Variants in TOR1A observed in about 807,000 individuals in gnomAD.
The protein encoded by TOR1A is torsin family 1 member A.
A neutral mutation model predicts 31.4 loss-of-function variants in TOR1A; 18 were observed. The observed-to-expected ratio is 0.57, with a 90% CI of 0.40 to 0.85. TOR1A has a LOEUF of 0.85. Among genes scored for constraint, TOR1A ranks in the 40% least tolerant of loss-of-function variants. TOR1A has a pLI of 0.00. For synonymous variants in TOR1A, 168 were observed against 165.9 expected (o/e 1.01, Z -0.10); for missense variants, 375 against 416.4 (o/e 0.90, Z 0.87).
intron 2 of TOR1A, chr9:129,821,514 A>G (rs764194907): frequency 6.6e-6 from 1 of 152,230 alleles, no homozygotes; most frequent in Non-Finnish European, 1.5e-5. Flanking sequence ...CTTTCCTAAG[A>G]CTACGGAGCT....
chr9:129,814,097 T>C lies in TOR1A; in HGVS notation c.874A>G (p.Ile292Val). ...RVEMQSRGYE[I>V]DEDIVSRVAE... ...ACTCTGCTTACAATGTCTTCATCAATTTCATAGCCTCGGGACTGCATTTCC... is the reference window on the plus strand; with the variant it reads ...ACTCTGCTTACAATGTCTTCATCAACTTCATAGCCTCGGGACTGCATTTCC... Residue 292 changes from isoleucine (I) to valine (V), a missense_variant, in exon 5 of 5, where the codon ATT (isoleucine) becomes GTT (valine). Physicochemically the swap from Ile to Val is conservative, Grantham distance 29 (BLOSUM62 3). Transcript: ENST00000351698. The C allele has an allele frequency of 6.2e-7, 1 of 1,614,218 alleles. No homozygotes were observed. The highest frequency in any genetic ancestry group is 8.5e-7 in the Non-Finnish European group (1 of 1,180,032).
rs2031094097 is a variant in TOR1A at position 129,818,409 on chromosome 9, A to G, written c.748+111T>C. 3 of 1,549,104 alleles carry G rather than the reference A, an allele frequency of 1.9e-6. No individual in the cohort carries two copies. The South Asian group carries it at 3.4e-5, about 17-fold the overall frequency. The stretch of plus-strand genomic sequence containing the variant: ...ACTCGGAAGGGGACTGAGAATCTGC[A>G]TTTCTTTCTACCCAGCTCCCAGGTG... On this transcript the variant is annotated intron_variant, in intron 4 of 4. Transcript: ENST00000351698.
chr9:129,823,182 T>C (rs1250359725), intron 1 of TOR1A: 9 of 407,984 alleles, frequency 2.2e-5, no homozygotes, highest in Non-Finnish European at 4.2e-5. Flanking sequence ...TGGTCCCTCC[T>C]GGTCGGCTGC....
At position 129,814,005 on chromosome 9, in the gene TOR1A, C is replaced by T. The variant is rs1423137568; in HGVS notation, c.966G>A (p.Val322=). 2 of 1,614,188 alleles carry T rather than the reference C, an allele frequency of 1.2e-6. No homozygotes were observed. The highest frequency in any genetic ancestry group is 3.3e-5 in the Admixed American group (2 of 60,028). The change falls in exon 5 of 5, where the codon GTG becomes GTA. Residue 322 remains valine, a synonymous_variant. Coordinates refer to ENST00000351698, the MANE Select transcript of TOR1A (RefSeq NM_000113.3). ...RVFSDKGCKT[V]FTKLDYYYDD ...CGTAGTAATAATCTAACTTGGTGAA[C>T]ACCGTTTTGCAGCCTTTATCTGAGA...
chr9:129,822,541 C>A, intron 2 of TOR1A, 40 bp downstream of exon 2: 1 of 1,613,228 alleles, frequency 6.2e-7, no homozygotes, highest in Non-Finnish European at 8.5e-7. Context: ...ACCCCAAACC[C>A]GATGACATCC....
chr9:129,815,394 G>C (rs551007284), intron 4 of TOR1A, among the ~76,000 whole-genome samples: 154 of 152,348 alleles, frequency 1.0e-3, no homozygotes, highest in Middle Eastern at 6.8e-3. Context: ...GCACGCCCTG[G>C]GCCTGGGGAC....
intron 2 of TOR1A, among the ~76,000 whole-genome samples, chr9:129,820,657 G>C (rs1462322687): frequency 6.6e-6 from 1 of 151,772 alleles, no homozygotes; most frequent in Non-Finnish European, 1.5e-5. Context: ...GGACTGCAGT[G>C]GCTGTCTGCT....
At position 129,824,090 on chromosome 9, in the gene TOR1A, G is replaced by A. The variant is rs959436326; in HGVS notation, c.-5C>T. 1.3e-6 allele frequency: 2 copies of A among 1,568,930 alleles called. No homozygotes were observed. The highest frequency in any genetic ancestry group is 1.7e-6 in the Non-Finnish European group (2 of 1,161,938). ...CACGGCCCGGCCCAGCTTCATGCCC[G>A]GACCCGCGCCACCCTGCTTGTTCTC... On this transcript the variant is annotated 5_prime_UTR_variant, in exon 1 of 5. Transcript: ENST00000351698.
chr9:129,819,143 C>T (rs769753875), intron 2 of TOR1A, among the ~76,000 whole-genome samples: 8 of 152,154 alleles, frequency 5.3e-5, no homozygotes, highest in Non-Finnish European at 1.2e-4. Context: ...GCGCTTACTC[C>T]ACTTGCCCAA....
rs1300140766 is a variant in TOR1A, at chr9:129,824,132, G to A, written c.-47C>T. On this transcript the variant is annotated 5_prime_UTR_variant, in exon 1 of 5. Coordinates refer to ENST00000351698, the MANE Select transcript of TOR1A (RefSeq NM_000113.3). ...CTTGTTCTCGCGCCGACCGCGAACC[G>A]GTGCAGCCGCCAGACCCACGCTTCC... is the stretch of plus-strand genomic sequence containing the variant. 3.3e-6 allele frequency: 5 copies of A among 1,535,978 alleles called. No individual in the cohort carries two copies. In the South Asian group the frequency reaches 3.6e-5, roughly 11 times the overall value.
chr9:129,823,241 G>A (rs371766029), intron 1 of TOR1A: 1 of 345,522 alleles, frequency 2.9e-6, no homozygotes. Context: ...TAGAAAGGAG[G>A]CAGAACCCAC....
intron 4 of TOR1A, 186 bp downstream of exon 4, chr9:129,818,334 T>C: frequency 3.7e-6 from 3 of 820,124 alleles, no homozygotes; most frequent in Non-Finnish European, 4.1e-6. Context: ...TGTCAAACAT[T>C]AGTGTTCATA....
chr9:129,815,680 C>T (rs530747457), intron 4 of TOR1A, among the ~76,000 whole-genome samples: 8 of 152,208 alleles, frequency 5.3e-5, no homozygotes, highest in Non-Finnish European at 1.0e-4. Flanking sequence ...GATGGCCTCC[C>T]TGGAGCTTCG....
Position 129,822,779 on chromosome 9 carries a change from G to C in TOR1A, c.246C>G (p.Ala82=). 6.2e-7 allele frequency: 1 copy of C among 1,613,932 alleles called. No homozygotes were observed. The highest frequency in any genetic ancestry group is 2.2e-5 in the East Asian group (1 of 44,872). ...QHLAKKIILN[A]VFGFINNPKP... is the part of the protein sequence containing the mutation. ...TTGGGTTGTTTATGAAACCAAACAC[G>C]GCATTTAAGATGATTTTCTTTGCAA... Residue 82 remains alanine, a synonymous_variant, in exon 2 of 5, where the codon GCC becomes GCG. Coordinates refer to ENST00000351698, the MANE Select transcript of TOR1A (RefSeq NM_000113.3).
chr9:129,824,108 T>C lies in TOR1A; in HGVS notation c.-23A>G. 6.4e-7 allele frequency: 1 copy of C among 1,550,704 alleles called. No homozygotes were observed. Among genetic ancestry groups the C allele is most frequent in the Non-Finnish European group, 8.7e-7 (1 of 1,153,316 alleles). On this transcript the variant is annotated 5_prime_UTR_variant, in exon 1 of 5. Transcript: ENST00000351698. ...CATGCCCGGACCCGCGCCACCCTGCTTGTTCTCGCGCCGACCGCGAACCGG... is the reference window on the plus strand; with the variant it reads ...CATGCCCGGACCCGCGCCACCCTGCCTGTTCTCGCGCCGACCGCGAACCGG...
chr9:129,815,859 C>T (rs1588215539), intron 4 of TOR1A, among the ~76,000 whole-genome samples: 1 of 152,176 alleles, frequency 6.6e-6, no homozygotes, highest in East Asian at 1.9e-4. Context: ...GTTCTACCTT[C>T]AAAACACACC....
intron 4 of TOR1A, 49 bp downstream of exon 4, chr9:129,818,471 G>T (rs374400189): frequency 1.2e-6 from 2 of 1,611,714 alleles, no homozygotes; most frequent in African/African-American, 1.3e-5. Flanking sequence ...AACACTTAGG[G>T]TGCAGGATTA....
At chr9:129,819,982 T>C (rs1023991420) in intron 2 of TOR1A, among the ~76,000 whole-genome samples, 3 of 149,384 alleles carry the variant, frequency 2.0e-5, no homozygotes, top group African/African-American at 4.9e-5. Context: ...ATAAAATAAA[T>C]AAATAAAATA....
In TOR1A at chr9:129,814,241, G is replaced by A. The variant is rs373456677; in HGVS notation, c.749-19C>T. 3.7e-6 allele frequency: 6 copies of A among 1,613,790 alleles called. No homozygotes were observed. The highest frequency in any genetic ancestry group is 1.7e-5 in the Admixed American group (1 of 59,986). On this transcript the variant is annotated intron_variant, in intron 4 of 4. Transcript: ENST00000351698. ...AAGCCACCTGGGAAGAAGAAACAAGGTGCTGTTCATCCACATCCACCCACC... is the reference window on the plus strand; with the variant it reads ...AAGCCACCTGGGAAGAAGAAACAAGATGCTGTTCATCCACATCCACCCACC...
Sources: allele counts gnomAD v4.1 joint callset (sites outside exome capture counted in the v4.1 genomes callset), GRCh38; gene constraint gnomAD v4.1.1; transcripts MANE v1.5; gene names NCBI Gene and HGNC (gene_info 2026-07-23, HGNC 2026-07-21).